Variants in ITGA3 observed in about 807,000 individuals in gnomAD.
The protein encoded by ITGA3 is integrin alpha-3.
ITGA3 carries 70 observed loss-of-function variants against 131.1 expected under a neutral mutation model. That is an observed-to-expected ratio of 0.53 (90% CI 0.44 to 0.65). The LOEUF is 0.65. Among genes scored for constraint, ITGA3 ranks in the 30% least tolerant of loss-of-function variants. The pLI, the probability that ITGA3 is intolerant of heterozygous loss-of-function variation, is 0.00. For synonymous variants in ITGA3, 537 were observed against 571.6 expected (o/e 0.94, Z 0.86); for missense variants, 1,098 against 1,388.6 (o/e 0.79, Z 3.33).
At chr17:50,072,225 C>A in intron 7 of ITGA3, 43 bp downstream of exon 7, 1 of 1,547,228 alleles carries the variant, frequency 6.5e-7, no homozygotes, top group Non-Finnish European at 8.9e-7. Context: ...CCTCCAGCAC[C>A]CCTCCTCCCA....
Position 50,071,979 on chromosome 17 carries a change from TG to T in ITGA3, c.960-6del. ...TCACACTCCCATTTCCCTCCTCTCC[TG>T]TGTAGGTGGCAGGACCTCCTGGTGG... On this transcript the variant is annotated splice_region_variant and splice_polypyrimidine_tract_variant and intron_variant, in intron 6 of 25. Transcript: ENST00000320031. 6.2e-7 allele frequency: 1 copy of T among 1,611,748 alleles called. No individual in the cohort carries two copies. The highest frequency in any genetic ancestry group is 1.1e-5 in the South Asian group (1 of 90,886).
At chr17:50,076,803 G>A in intron 14 of ITGA3, 122 bp downstream of exon 14, 1 of 1,177,980 alleles carries the variant, frequency 8.5e-7, no homozygotes, top group Non-Finnish European at 1.2e-6. Context: ...AGCGGGAACA[G>A]GTGGGATGGT....
chr17:50,066,032 CAAAAAAAAAAAAAA>C (rs1183511362), intron 3 of ITGA3: 1 of 38,718 alleles, frequency 2.6e-5, no homozygotes, highest in Non-Finnish European at 5.1e-5. Context: ...GACTCCATCT[CAAAAAAAAAAAAAA>C]AAAAAAAAGA....
chr17:50,059,422 G>A (rs1381698458), intron 1 of ITGA3, among the ~76,000 whole-genome samples: 2 of 152,312 alleles, frequency 1.3e-5, no homozygotes, highest in African/African-American at 4.8e-5. Flanking sequence ...GAAGCCCAGG[G>A]CAGGGTGGCT....
At position 50,081,313 on chromosome 17, in the gene ITGA3, T is replaced by C; in HGVS notation, c.2824T>C (p.Tyr942His). 4 of 1,582,906 alleles carry C rather than the reference T, an allele frequency of 2.5e-6. No individual in the cohort carries two copies. Among genetic ancestry groups the C allele is most frequent in the Non-Finnish European group, 3.4e-6 (4 of 1,162,310 alleles). Residue 942 changes from tyrosine to histidine, a missense_variant, in exon 23 of 26, where the codon TAC becomes CAC. Physicochemically the swap from Tyr to His is moderately conservative, Grantham distance 83. This residue lies in a region of ITGA3 where 699 missense variants were observed against 829.2 expected (regional missense o/e 0.84). Transcript: ENST00000320031. ...RVWNSTFIED[Y>H]RDFDRVRVNG... ...ACCCACCCCACTCCCAATCCAGGAT[T>C]ACAGAGACTTTGACCGAGTCCGGGT...
chr17:50,088,393 C>G, intron 25 of ITGA3, 27 bp downstream of exon 25: 1 of 1,266,284 alleles, frequency 7.9e-7, no homozygotes, highest in Non-Finnish European at 1.1e-6. Flanking sequence ...GCCCCCTTCC[C>G]CGAGCCCCAC....
intron 22 of ITGA3, among the ~76,000 whole-genome samples, chr17:50,080,781 AC>A (rs1467530584): frequency 6.6e-6 from 1 of 151,730 alleles, no homozygotes; most frequent in African/African-American, 2.4e-5. Flanking sequence ...CACCCACCTA[AC>A]TTTCTCAGAA....
At position 50,056,705 on chromosome 17, in the gene ITGA3, G is replaced by C; in HGVS notation, c.206+60G>C. On this transcript the variant is annotated intron_variant, in intron 1 of 25. Transcript: ENST00000320031. The surrounding 1 kb of genome is among the most constrained non-coding windows in gnomAD (Gnocchi z 5.6). ...GAGAGTGTGCGAGCGCGGGATGCGGGTCCGGAGCTGAGTCGGAGCCCAGGG... is the reference window on the plus strand; with the variant it reads ...GAGAGTGTGCGAGCGCGGGATGCGGCTCCGGAGCTGAGTCGGAGCCCAGGG... 2.0e-6 allele frequency: 3 copies of C among 1,507,960 alleles called. No individual in the cohort carries two copies. The highest frequency in any genetic ancestry group is 9.0e-7 in the Non-Finnish European group (1 of 1,114,714). 93.4% of individuals were successfully genotyped at this position (1,507,960 alleles called of 1,614,324 possible). A position where few individuals can be genotyped will look rare whatever the true frequency, so the allele number is the denominator to read the frequency against.
Position 50,072,234 on chromosome 17 carries a change from C to A in ITGA3, c.1156+52C>A, listed in dbSNP as rs763974233. 1.6e-4 allele frequency: 238 copies of A among 1,503,952 alleles called. 2 individuals carry two copies. In the Admixed American group the frequency reaches 3.9e-3, roughly 24 times the overall value. The allele number at this position is 1,503,952 out of a possible 1,614,324, so 93.2% of individuals were successfully genotyped here. On this transcript the variant is annotated intron_variant, in intron 7 of 25. Transcript: ENST00000320031. ...ACCCCTCCTCCAGCACCCCTCCTCC[C>A]AGCACCCCTACTGACTGAGCACCAG... is the stretch of plus-strand genomic sequence containing the variant.
Position 50,079,165 on chromosome 17 carries a change from G to A in ITGA3, c.2490G>A (p.Leu830=). The A allele has an allele frequency of 1.9e-6, 3 of 1,614,040 alleles. No individual in the cohort carries two copies. Among genetic ancestry groups the A allele is most frequent in the Non-Finnish European group, 2.5e-6 (3 of 1,179,982 alleles). The change falls in exon 20 of 26, where the codon CTG becomes CTA. Residue 830 remains leucine (L), a synonymous_variant. Transcript: ENST00000320031. The part of the protein sequence containing the change: ...WPYEVSNGKW[L]LYPTEITVHG... ...ACGAAGTCAGCAATGGCAAGTGGCT[G>A]CTGTATCCCACGGAGATCACCGTCC...
chr17:50,082,739 C>T (rs1909239719), intron 23 of ITGA3, among the ~76,000 whole-genome samples: 1 of 152,152 alleles, frequency 6.6e-6, no homozygotes, highest in Non-Finnish European at 1.5e-5. Context: ...TTGAAAAGAT[C>T]CCATTCAAAT....
In ITGA3 at chr17:50,075,721, G is replaced by A. The variant is rs1908859921; in HGVS notation, c.1660G>A (p.Glu554Lys). 1 of 1,614,058 alleles carries A rather than the reference G, an allele frequency of 6.2e-7. No individual in the cohort carries two copies. Among genetic ancestry groups the A allele is most frequent in the Non-Finnish European group, 8.5e-7 (1 of 1,179,938 alleles). Residue 554 changes from glutamate to lysine, a missense_variant, in exon 12 of 26, where the codon GAG becomes AAG. Glu to Lys is a moderately conservative substitution (Grantham distance 56). Transcript: ENST00000320031. ...SMPEMRCQKL[E>K]LLLMDNLRDK... is the part of the protein sequence containing the mutation. ...GCCCGAGATGCGCTGCCAGAAGCTG[G>A]AGCTGCTCCTGATGGTGAGGGAGGA...
Position 50,078,114 on chromosome 17 carries a change from G to A in ITGA3, c.2208G>A (p.Leu736=). 6.2e-7 allele frequency: 1 copy of A among 1,613,800 alleles called. No individual in the cohort carries two copies. Among genetic ancestry groups the A allele is most frequent in the Admixed American group, 1.7e-5 (1 of 60,006 alleles). Residue 736 remains leucine, a synonymous_variant, in exon 17 of 26, where the codon CTG becomes CTA. Transcript: ENST00000320031. ...TLHTRDLQVQ[L]QLSTSSHQDN... is the part of the protein sequence containing the mutation. ...ACACAAGGGACCTTCAGGTGCAGCT[G>A]CAGCTCTCCACGTGAGTGACCTCGA...
rs377230398 is a variant in ITGA3 at position 50,076,417 on chromosome 17, G to C, written c.1766G>C (p.Arg589Pro). The C allele has an allele frequency of 2.0e-5, 33 of 1,611,936 alleles. No individual in the cohort carries two copies. The highest frequency in any genetic ancestry group is 2.0e-4 in the East Asian group (9 of 44,882). Residue 589 changes from arginine to proline, a missense_variant, in exon 13 of 26, where the codon CGG becomes CCG. Arg to Pro is a moderately radical substitution (Grantham distance 103). Transcript: ENST00000320031. The stretch of plus-strand genomic sequence containing the variant: ...CCCGATCGCCCCCGGCTGGGGCTGC[G>C]GTCCCTGGACGCCTACCCGATCCTC... ...RMPDRPRLGL[R>P]SLDAYPILNQ...
chr17:50,081,285 T>A, intron 22 of ITGA3, 25 bp from the exon 23 acceptor site: 2 of 1,500,192 alleles, frequency 1.3e-6, no homozygotes, highest in African/African-American at 1.4e-5. Flanking sequence ...AGTGTTCCCC[T>A]TGACCCACCC....
In ITGA3 at chr17:50,072,172, T is replaced by C; in HGVS notation, c.1146T>C (p.Asp382=). 1 of 1,613,158 alleles carries C rather than the reference T, an allele frequency of 6.2e-7. No homozygotes were observed. Among genetic ancestry groups the C allele is most frequent in the Non-Finnish European group, 8.5e-7 (1 of 1,179,848 alleles). ...SVASIGDINQ[D]GFQDIAVGAP... ...CCAGCATTGGTGACATCAACCAGGA[T>C]GGATTTCAGGGTATGAGCCAGCACT... The change falls in exon 7 of 26, where the codon GAT becomes GAC. Residue 382 remains aspartate (D), a synonymous_variant. Coordinates refer to ENST00000320031, the MANE Select transcript of ITGA3 (RefSeq NM_002204.4).
Position 50,074,488 on chromosome 17 carries a change from C to T in ITGA3, c.1423C>T (p.Pro475Ser). The change falls in exon 10 of 26, where the codon CCC (proline) becomes TCC (serine). Residue 475 changes from proline (P) to serine (S), a missense_variant. Physicochemically the swap from Pro to Ser is moderately conservative, Grantham distance 74. Transcript: ENST00000320031. ...VINIVHKTLV[P>S]RPAVLDPALC... The stretch of plus-strand genomic sequence containing the variant: ...CAACATCGTCCACAAGACCTTGGTG[C>T]CCAGGCCAGCTGTGCTGGACCCTGC... 6.2e-7 allele frequency: 1 copy of T among 1,614,078 alleles called. No individual in the cohort carries two copies. Among genetic ancestry groups the T allele is most frequent in the African/African-American group, 1.3e-5 (1 of 75,066 alleles).
chr17:50,077,220 C>A, intron 15 of ITGA3, 99 bp downstream of exon 15: 1 of 1,348,494 alleles, frequency 7.4e-7, no homozygotes, highest in Non-Finnish European at 1.0e-6. Flanking sequence ...CTGCCACGTG[C>A]CCACCTCCTC....
At chr17:50,069,899 C>A (rs113778335) in intron 4 of ITGA3, among the ~76,000 whole-genome samples, 130 of 152,270 alleles carry the variant, frequency 8.5e-4, no homozygotes, top group African/African-American at 2.4e-3. Context: ...CAATAGGGAC[C>A]CCTTTTCCCT....
Sources: gnomAD v4.1 joint callset for allele counts (sites outside exome capture counted in the v4.1 genomes callset) on GRCh38, gnomAD v4.1.1 for gene constraint, gnomAD v4.1.1 regional missense constraint, Gnocchi (gnomAD v3.1) non-coding constraint, MANE v1.5 for transcripts, NCBI Gene and HGNC (gene_info 2026-07-23, HGNC 2026-07-21) for gene names.